The following ZNF512 variants were observed in gnomAD, a reference collection of about 807,000 sequenced individuals.
The protein encoded by ZNF512 is zinc finger protein 512.
Under a neutral mutation model 77.5 loss-of-function variants are expected in ZNF512, and 25 were observed. That is an observed-to-expected ratio of 0.32 (90% CI 0.23 to 0.45). The LOEUF is 0.45. ZNF512 is among the 20% of genes least tolerant of loss of function. ZNF512 has a pLI of 1.00. For synonymous variants in ZNF512, 246 were observed against 239.9 expected (o/e 1.03, Z -0.24); for missense variants, 483 against 692.6 (o/e 0.70, Z 3.40).
At chr2:27,597,877 G>A (rs1671942917) in intron 2 of ZNF512, among the ~76,000 whole-genome samples, 190 bp from the exon 3 acceptor site, 2 of 152,182 alleles carry the variant, frequency 1.3e-5, no homozygotes, top group Non-Finnish European at 2.9e-5. Flanking sequence ...ACAATGAAGT[G>A]TGATAATAAT....
At chr2:27,618,712 A>T (rs1340183599) in intron 13 of ZNF512, among the ~76,000 whole-genome samples, 2 of 152,220 alleles carry the variant, frequency 1.3e-5, no homozygotes, top group African/African-American at 4.8e-5. Flanking sequence ...ATAAAATTTT[A>T]AAATTGTGTA....
chr2:27,586,169 T>C (rs1671314773), intron 2 of ZNF512, among the ~76,000 whole-genome samples: 1 of 152,170 alleles, frequency 6.6e-6, no homozygotes, highest in Non-Finnish European at 1.5e-5. Flanking sequence ...CTAAGAGTTA[T>C]TACATGGGAC....
At chr2:27,593,355 A>G (rs1671688614) in intron 2 of ZNF512, among the ~76,000 whole-genome samples, 1 of 149,224 alleles carries the variant, frequency 6.7e-6, no homozygotes, top group East Asian at 2.0e-4. Context: ...TTGAGCCACT[A>G]CACTCCAGCC....
At position 27,598,050 on chromosome 2, in the gene ZNF512, T is replaced by G; in HGVS notation, c.90-17T>G. Reference sequence around the variant, plus strand: ...TCCAGACCTTCCTTTGTGGTATATATTTTTATGTTGTATTAGTAGCAGGAC... The same window carrying G: ...TCCAGACCTTCCTTTGTGGTATATAGTTTTATGTTGTATTAGTAGCAGGAC... On this transcript the variant is annotated splice_polypyrimidine_tract_variant and intron_variant, in intron 2 of 13. Transcript: ENST00000355467. 1 of 1,510,480 alleles carries G rather than the reference T, an allele frequency of 6.6e-7. No individual in the cohort carries two copies. Among genetic ancestry groups the G allele is most frequent in the Non-Finnish European group, 9.0e-7 (1 of 1,114,114 alleles). 93.6% of individuals were successfully genotyped at this position (1,510,480 alleles called of 1,614,324 possible). A position where few individuals can be genotyped will look rare whatever the true frequency, so the allele number is the denominator to read the frequency against.
chr2:27,604,029 C>T (rs1213176105), intron 9 of ZNF512, among the ~76,000 whole-genome samples: 1 of 152,106 alleles, frequency 6.6e-6, no homozygotes, highest in African/African-American at 2.4e-5. Context: ...TGGGTTCAAG[C>T]AATTCTCCTA....
At position 27,621,472 on chromosome 2, in the gene ZNF512, TA is replaced by T. The variant is rs368640496; in HGVS notation, c.*15del. The T allele has an allele frequency of 4.7e-5, 75 of 1,598,148 alleles. No individual in the cohort carries two copies. The East Asian group carries it at 1.6e-3, about 34-fold the overall frequency. On this transcript the variant is annotated 3_prime_UTR_variant, in exon 14 of 14. Transcript: ENST00000355467. ...CGAGGAAGGAAATAGGCAGTCAGTG[TA>T]AAAGTGCTCCTAGGAAAGCAGATGT...
chr2:27,606,581 G>T (rs1167476986), intron 9 of ZNF512, among the ~76,000 whole-genome samples: 1 of 152,012 alleles, frequency 6.6e-6, no homozygotes, highest in East Asian at 1.9e-4. Flanking sequence ...GGCTGGTCTT[G>T]AACTCCTGAC....
intron 8 of ZNF512, among the ~76,000 whole-genome samples, chr2:27,602,773 C>A (rs1572920034): frequency 6.6e-6 from 1 of 152,226 alleles, no homozygotes; most frequent in East Asian, 1.9e-4. Context: ...TCCTTACCAT[C>A]CTTTTTTTAA....
chr2:27,612,176 T>C (rs1672693947), intron 10 of ZNF512, among the ~76,000 whole-genome samples: 1 of 152,224 alleles, frequency 6.6e-6, no homozygotes, highest in African/African-American at 2.4e-5. Flanking sequence ...ATTTTGCTGC[T>C]CAATGTGTCC....
At position 27,603,121 on chromosome 2, in the gene ZNF512, G is replaced by C. The variant is rs754679502; in HGVS notation, c.769-19G>C. 1 of 1,612,576 alleles carries C rather than the reference G, an allele frequency of 6.2e-7. No individual in the cohort carries two copies. Among genetic ancestry groups the C allele is most frequent in the Non-Finnish European group, 8.5e-7 (1 of 1,179,182 alleles). On this transcript the variant is annotated intron_variant, in intron 8 of 13. Transcript: ENST00000355467. ...CAAAAGATGTAAGATTATAGTTTAGGCTTCTCTCCTCTGTTCAGAGTTGCT... is the reference window on the plus strand; with the variant it reads ...CAAAAGATGTAAGATTATAGTTTAGCCTTCTCTCCTCTGTTCAGAGTTGCT...
intron 2 of ZNF512, among the ~76,000 whole-genome samples, chr2:27,589,013 A>T (rs1164260038): frequency 6.6e-6 from 1 of 152,166 alleles, no homozygotes; most frequent in Admixed American, 6.5e-5. Flanking sequence ...GTCATTTTCT[A>T]GTTGATTGTT....
chr2:27,597,045 G>A (rs1274887203), intron 2 of ZNF512, among the ~76,000 whole-genome samples: 1 of 152,134 alleles, frequency 6.6e-6, no homozygotes, highest in Non-Finnish European at 1.5e-5. Flanking sequence ...GTGTCTCTAT[G>A]TGTAGAATTA....
At chr2:27,587,166 G>T (rs1345661810) in intron 2 of ZNF512, among the ~76,000 whole-genome samples, 1 of 151,430 alleles carries the variant, frequency 6.6e-6, no homozygotes, top group Non-Finnish European at 1.5e-5. Context: ...TTCCAAAGTG[G>T]TATTATTTTG....
chr2:27,583,556 C>A, intron 1 of ZNF512, 102 bp from the exon 2 acceptor site: 1 of 1,541,358 alleles, frequency 6.5e-7, no homozygotes, highest in Non-Finnish European at 8.7e-7. Flanking sequence ...GAGGTGGTTT[C>A]CCCGGGAGAA....
chr2:27,611,090 G>A (rs1256746372), intron 10 of ZNF512, among the ~76,000 whole-genome samples: 1 of 151,970 alleles, frequency 6.6e-6, no homozygotes, highest in African/African-American at 2.4e-5. Context: ...ACTGTTTCTT[G>A]ATGTACATAT....
chr2:27,602,118 C>G (rs2148022520), intron 7 of ZNF512, among the ~76,000 whole-genome samples: 1 of 150,910 alleles, frequency 6.6e-6, no homozygotes, highest in South Asian at 2.1e-4. Flanking sequence ...GTAGATATCT[C>G]AGTGCAGATG....
At chr2:27,610,731 C>A (rs971560615) in intron 10 of ZNF512, among the ~76,000 whole-genome samples, 14 of 150,452 alleles carry the variant, frequency 9.3e-5, no homozygotes, top group Admixed American at 9.3e-4. Flanking sequence ...CGGGCACATA[C>A]AACCATGCCT....
rs1443323943 is a variant in ZNF512, at chr2:27,600,007, A to G, written c.411A>G (p.Lys137=). 1 of 1,614,064 alleles carries G rather than the reference A, an allele frequency of 6.2e-7. No homozygotes were observed. The highest frequency in any genetic ancestry group is 1.3e-5 in the African/African-American group (1 of 74,932). Residue 137 remains lysine (K), a synonymous_variant, in exon 5 of 14, where the codon AAA becomes AAG. Coordinates refer to ENST00000355467, the MANE Select transcript of ZNF512 (RefSeq NM_032434.4). Reference sequence around the variant, plus strand: ...GGCCTAAAACTCAGCCCAATCCCAAATCCCAGGCCCGTCGTATTCGGAAGG... The same window carrying G: ...GGCCTAAAACTCAGCCCAATCCCAAGTCCCAGGCCCGTCGTATTCGGAAGG... ...KQRPKTQPNP[K]SQARRIRKEP...
intron 10 of ZNF512, among the ~76,000 whole-genome samples, chr2:27,612,514 G>C (rs1672711401): frequency 6.6e-6 from 1 of 151,972 alleles, no homozygotes; most frequent in African/African-American, 2.4e-5. Flanking sequence ...TTTTATGGCT[G>C]TCTATCTGTA....
Sources: gnomAD v4.1 joint callset for allele counts (sites outside exome capture counted in the v4.1 genomes callset) on GRCh38, gnomAD v4.1.1 for gene constraint, MANE v1.5 for transcripts, NCBI Gene and HGNC (gene_info 2026-07-23, HGNC 2026-07-21) for gene names.